The following LRRC36 variants were observed in gnomAD, a reference collection of about 807,000 sequenced individuals.
LRRC36 encodes leucine rich repeat containing 36, also known as leucine-rich repeat-containing protein 36.
A neutral mutation model predicts 81.1 loss-of-function variants in LRRC36; 62 were observed. The ratio of observed to expected loss-of-function variants is 0.76; its 90% CI spans 0.62 to 0.94. The LOEUF (loss-of-function observed/expected upper bound fraction) is 0.94, where lower values mean the gene tolerates loss of function less well. Among genes scored for constraint, LRRC36 ranks in the 40% least tolerant of loss-of-function variants. The pLI is 0.00. For synonymous variants in LRRC36, 334 were observed against 348.6 expected (o/e 0.96, Z 0.47); for missense variants, 761 against 881.7 (o/e 0.86, Z 1.73).
intron 2 of LRRC36, among the ~76,000 whole-genome samples, chr16:67,342,612 G>A (rs2038145183): frequency 3.9e-5 from 6 of 152,052 alleles, no homozygotes; most frequent in Admixed American, 3.9e-4. Context: ...AAGGCAGGAG[G>A]GACCAAGCAT....
intron 5 of LRRC36, among the ~76,000 whole-genome samples, chr16:67,356,732 A>G (rs1000955220): frequency 6.6e-6 from 1 of 152,220 alleles, no homozygotes; most frequent in African/African-American, 2.4e-5. Context: ...AGGCGGTTGC[A>G]GTTAGTACTC....
chr16:67,360,511 A>G lies in LRRC36; in HGVS notation c.578-3079A>G, dbSNP rs145192271. The stretch of plus-strand genomic sequence containing the variant: ...CAGCCTACTAACCATTCTCATTTGC[A>G]CAAAAGCTGTGTTACAACTAGCAGT... On this transcript the variant is annotated intron_variant, in intron 5 of 13. Coordinates refer to ENST00000329956, the MANE Select transcript of LRRC36 (RefSeq NM_018296.6). 7.2e-5 allele frequency among the ~76,000 whole-genome samples: 11 copies of G among 152,338 alleles called. No homozygotes were observed. The East Asian group carries it at 1.4e-3, about 19-fold the overall frequency.
intron 1 of LRRC36, among the ~76,000 whole-genome samples, chr16:67,330,273 G>C (rs926799592): frequency 3.3e-5 from 5 of 151,896 alleles, no homozygotes; most frequent in African/African-American, 1.2e-4. Flanking sequence ...CGTGATATCA[G>C]CCACTGAATA....
At chr16:67,384,144 A>G (rs1425658167) in intron 13 of LRRC36, among the ~76,000 whole-genome samples, 1 of 152,300 alleles carries the variant, frequency 6.6e-6, no homozygotes, top group Non-Finnish European at 1.5e-5. Context: ...TTAACATTAG[A>G]TGGTAATACA....
intron 11 of LRRC36, 63 bp downstream of exon 11, chr16:67,376,935 T>C (rs2039922711): frequency 2.0e-6 from 3 of 1,520,634 alleles, no homozygotes; most frequent in Admixed American, 1.9e-5. Context: ...ATCTCTGCCT[T>C]AATGATCAGC....
At chr16:67,347,117 A>G (rs1322953542) in intron 3 of LRRC36, among the ~76,000 whole-genome samples, 1 of 152,140 alleles carries the variant, frequency 6.6e-6, no homozygotes, top group Non-Finnish European at 1.5e-5. Flanking sequence ...ATTGTTGAGT[A>G]TACATTTCTT....
chr16:67,353,682 C>T (rs2038763449), intron 5 of LRRC36, among the ~76,000 whole-genome samples: 1 of 152,138 alleles, frequency 6.6e-6, no homozygotes, highest in Admixed American at 6.6e-5. Flanking sequence ...AGCCCCTTTC[C>T]ATTTCTTGAT....
Position 67,331,069 on chromosome 16 carries a change from AAGAGAGAGAGAGAGAG to A in LRRC36, c.70+4167_70+4182del, listed in dbSNP as rs71145966. ...GTGCATGTGTGAGATGTGAGAGAGA[AAGAGAGAGAGAGAGAG>A]AGAGAGAGAGAGAGAGAGAGAGAGA... On this transcript the variant is annotated intron_variant, in intron 1 of 13. Transcript: ENST00000329956. Among the ~76,000 whole-genome samples the A allele has an allele frequency of 5.6e-4, 67 of 118,630 alleles. 1 individual carries two copies. Among genetic ancestry groups the A allele is most frequent in the East Asian group, 5.0e-4 (2 of 3,988 alleles). The allele number at this position is 118,630 out of a possible 152,430, so 77.8% of individuals were successfully genotyped here. A position where few individuals can be genotyped will look rare whatever the true frequency, so the allele number is the denominator to read the frequency against.
intron 4 of LRRC36, among the ~76,000 whole-genome samples, chr16:67,347,876 T>G (rs2038428885): frequency 6.6e-6 from 1 of 152,218 alleles, no homozygotes; most frequent in African/African-American, 2.4e-5. Context: ...GATTACTTAT[T>G]CCTATAAATG....
intron 1 of LRRC36, among the ~76,000 whole-genome samples, chr16:67,332,754 T>C (rs1457726884): frequency 6.6e-6 from 1 of 152,126 alleles, no homozygotes; most frequent in Non-Finnish European, 1.5e-5. Context: ...CTGTGGGTCA[T>C]TGATGGAAAC....
intron 1 of LRRC36, among the ~76,000 whole-genome samples, chr16:67,339,187 A>C (rs1460436545): frequency 2.0e-5 from 3 of 149,638 alleles, no homozygotes; most frequent in African/African-American, 7.4e-5. Context: ...GAGCCACTGC[A>C]CCCAGCCATG....
intron 5 of LRRC36, among the ~76,000 whole-genome samples, chr16:67,361,244 C>T (rs1192612009): frequency 6.6e-6 from 1 of 152,088 alleles, no homozygotes; most frequent in Non-Finnish European, 1.5e-5. Flanking sequence ...GTTGCCCAGG[C>T]TGGTGTTGAA....
At chr16:67,360,017 C>T (rs2039072093) in intron 5 of LRRC36, among the ~76,000 whole-genome samples, 1 of 151,794 alleles carries the variant, frequency 6.6e-6, no homozygotes, top group African/African-American at 2.4e-5. Flanking sequence ...CCCAGCTACT[C>T]AGGAGGCTGA....
At chr16:67,329,998 G>A (rs1266302865) in intron 1 of LRRC36, among the ~76,000 whole-genome samples, 1 of 152,126 alleles carries the variant, frequency 6.6e-6, no homozygotes, top group Non-Finnish European at 1.5e-5. Flanking sequence ...TATTTGATCT[G>A]TAGGCTCCCC....
Position 67,333,860 on chromosome 16 carries a change from G to A in LRRC36, c.70+6928G>A, listed in dbSNP as rs367732372. On this transcript the variant is annotated intron_variant, in intron 1 of 13. Coordinates refer to ENST00000329956, the MANE Select transcript of LRRC36 (RefSeq NM_018296.6). ...CCTTGCACCTCTCCCCACCCACCCC[G>A]TTTCCCTTAATTTTAATATCTTGCA... Among the ~76,000 whole-genome samples the A allele has an allele frequency of 1.4e-4, 21 of 149,928 alleles. 1 individual carries two copies. The highest frequency in any genetic ancestry group is 6.1e-4 in the East Asian group (3 of 4,928).
chr16:67,375,171 A>G (rs1300984434), intron 9 of LRRC36, 76 bp from the exon 10 acceptor site: 8 of 1,479,546 alleles, frequency 5.4e-6, no homozygotes. Flanking sequence ...CTAAATTCTT[A>G]CTTCCTTTAT....
At chr16:67,340,570 C>T (rs1485933993) in intron 1 of LRRC36, among the ~76,000 whole-genome samples, 1 of 152,040 alleles carries the variant, frequency 6.6e-6, no homozygotes, top group East Asian at 1.9e-4. Flanking sequence ...GCAGGAGAAT[C>T]TCTTGAACTT....
At position 67,376,856 on chromosome 16, in the gene LRRC36, T is replaced by A. The variant is rs1555512781; in HGVS notation, c.1790T>A (p.Leu597Gln). The A allele has an allele frequency of 1.9e-6, 3 of 1,612,630 alleles. No homozygotes were observed. The East Asian group carries it at 6.7e-5, about 36-fold the overall frequency. ...CTTGAACTGAAGGAGGCTGCGCAGCTGGTCCCTAATGACATGGTATGCCCC... is the reference window on the plus strand; with the variant it reads ...CTTGAACTGAAGGAGGCTGCGCAGCAGGTCCCTAATGACATGGTATGCCCC... ...RELELKEAAQ[L>Q]VPNDMESLKQ... is the part of the protein sequence containing the mutation. Residue 597 changes from leucine (L) to glutamine (Q), a missense_variant, in exon 11 of 14, where the codon CTG (leucine) becomes CAG (glutamine). Physicochemically the swap from Leu to Gln is moderately radical, Grantham distance 113 (BLOSUM62 -2). Transcript: ENST00000329956.
rs151167803 is a variant in LRRC36, at chr16:67,385,057, G to A, written c.2233G>A (p.Val745Ile). 76 of 1,614,052 alleles carry A rather than the reference G, an allele frequency of 4.7e-5. No homozygotes were observed. Among genetic ancestry groups the A allele is most frequent in the Admixed American group, 2.0e-4 (12 of 60,028 alleles). The change falls in exon 14 of 14, where the codon GTC becomes ATC. Residue 745 changes from valine to isoleucine, a missense_variant. This residue lies in a region of LRRC36 where 359 missense variants were observed against 388.4 expected (regional missense o/e 0.92). Coordinates refer to ENST00000329956, the MANE Select transcript of LRRC36 (RefSeq NM_018296.6). Reference sequence around the variant, plus strand: ...GACTGGTCAGTATCTAATACAGAGCGTCTTGGATGCTGCCCCAGAGCCTGG... The same window carrying A: ...GACTGGTCAGTATCTAATACAGAGCATCTTGGATGCTGCCCCAGAGCCTGG... ...HETGQYLIQS[V>I]LDAAPEPGL
Sources: gnomAD v4.1 joint callset for allele counts (sites outside exome capture counted in the v4.1 genomes callset) on GRCh38, gnomAD v4.1.1 for gene constraint, gnomAD v4.1.1 regional missense constraint, MANE v1.5 for transcripts, NCBI Gene and HGNC (gene_info 2026-07-23, HGNC 2026-07-21) for gene names.